The following ST3GAL1 variants were observed in gnomAD, a reference collection of about 807,000 sequenced individuals.
ST3GAL1 encodes the protein CMP-N-acetylneuraminate-beta-galactosamide-alpha-2,3-sialyltransferase 1.
Under a neutral mutation model 34.1 loss-of-function variants are expected in ST3GAL1, and 16 were observed. The ratio of observed to expected loss-of-function variants is 0.47; its 90% CI spans 0.32 to 0.71. The LOEUF is 0.71. Among genes scored for constraint, ST3GAL1 ranks in the 30% least tolerant of loss-of-function variants. ST3GAL1 has a pLI of 0.04. For missense variants in ST3GAL1, 353 were observed against 447.4 expected (o/e 0.79, Z 1.90); for synonymous variants, 191 against 184.7 (o/e 1.03, Z -0.28).
chr8:133,464,298 T>C (rs1815642334), intron 7 of ST3GAL1, among the ~76,000 whole-genome samples: 2 of 152,130 alleles, frequency 1.3e-5, no homozygotes, highest in Admixed American at 6.5e-5. Context: ...AGCTCCTGAT[T>C]GTCAGGGAAG....
chr8:133,545,488 G>A (rs970470178), intron 2 of ST3GAL1, among the ~76,000 whole-genome samples: 2 of 152,174 alleles, frequency 1.3e-5, no homozygotes, highest in African/African-American at 2.4e-5. Context: ...CTGAATCCAG[G>A]TTTTTACTTA....
intron 1 of ST3GAL1, among the ~76,000 whole-genome samples, chr8:133,550,940 G>A (rs934250904): frequency 3.3e-5 from 5 of 152,134 alleles, no homozygotes; most frequent in Admixed American, 3.3e-4. Flanking sequence ...TAGAAGTAAA[G>A]CTGGATACCA....
chr8:133,540,109 A>G (rs959290300), intron 2 of ST3GAL1, among the ~76,000 whole-genome samples: 7 of 152,074 alleles, frequency 4.6e-5, no homozygotes, highest in Non-Finnish European at 8.8e-5. Flanking sequence ...CACTCACGCC[A>G]CTTGGATCCA....
In ST3GAL1 at chr8:133,467,251, CCTATTGGCCCCCGGTGGTTTCA is replaced by C. The variant is rs1815776440; in HGVS notation, c.307-1183_307-1162del. Reference sequence around the variant, plus strand: ...GCTAAAACCAGGATGAGTTGGTATCCCTATTGGCCCCCGGTGGTTTCACTATTGGCCCCCGCTGCATGCCCAG... The same window carrying C: ...GCTAAAACCAGGATGAGTTGGTATCCCTATTGGCCCCCGCTGCATGCCCAG... On this transcript the variant is annotated intron_variant, in intron 5 of 9. Coordinates refer to ENST00000522652, the MANE Select transcript of ST3GAL1 (RefSeq NM_173344.3). This position sits in a 1 kb window ranked among gnomAD's most constrained non-coding sequence, Gnocchi z 4.2. 6.6e-6 allele frequency among the ~76,000 whole-genome samples: 1 copy of C among 152,144 alleles called. No homozygotes were observed. Among genetic ancestry groups the C allele is most frequent in the South Asian group, 2.1e-4 (1 of 4,830 alleles).
intron 2 of ST3GAL1, among the ~76,000 whole-genome samples, chr8:133,545,100 G>C (rs146642839): frequency 8.0e-4 from 122 of 152,328 alleles, no homozygotes; most frequent in Non-Finnish European, 1.3e-3. Context: ...TGTGACTGAG[G>C]CCTGAATTTT....
intron 2 of ST3GAL1, among the ~76,000 whole-genome samples, chr8:133,527,305 T>G (rs1818006151): frequency 6.6e-6 from 1 of 152,172 alleles, no homozygotes; most frequent in African/African-American, 2.4e-5. Flanking sequence ...CTGCCTCTAC[T>G]AATGCCATGT....
Position 133,466,418 on chromosome 8 carries a change from G to A in ST3GAL1, c.307-328C>T, listed in dbSNP as rs1024240738. ...GCCCCTCCCACTCCACATGTGATCA[G>A]CGTTTCTCCAACCTGCTCCTCCCTG... On this transcript the variant is annotated intron_variant, in intron 5 of 9. Transcript: ENST00000522652. This position sits in a 1 kb window ranked among gnomAD's most constrained non-coding sequence, Gnocchi z 4.4. Among the ~76,000 whole-genome samples, 5 of 152,168 alleles carry A rather than the reference G, an allele frequency of 3.3e-5. No homozygotes were observed. The highest frequency in any genetic ancestry group is 2.1e-4 in the South Asian group (1 of 4,830).
chr8:133,513,710 A>T (rs753790275), intron 2 of ST3GAL1, among the ~76,000 whole-genome samples: 12 of 152,264 alleles, frequency 7.9e-5, no homozygotes, highest in Non-Finnish European at 1.3e-4. Flanking sequence ...TCTAGCCAAC[A>T]TGGTGAAACC....
intron 2 of ST3GAL1, among the ~76,000 whole-genome samples, chr8:133,544,649 A>G (rs1818627222): frequency 1.3e-5 from 2 of 152,102 alleles, no homozygotes; most frequent in African/African-American, 4.8e-5. Context: ...CCCCTGACCT[A>G]CCTGTGACAC....
rs373536044 is a variant in ST3GAL1, at chr8:133,570,744, G to A, written c.-582+949C>T. Among the ~76,000 whole-genome samples the A allele has an allele frequency of 9.2e-5, 14 of 152,178 alleles. No individual in the cohort carries two copies. The highest frequency in any genetic ancestry group is 6.5e-5 in the Admixed American group (1 of 15,284). On this transcript the variant is annotated intron_variant, in intron 1 of 9. Coordinates refer to ENST00000522652, the MANE Select transcript of ST3GAL1 (RefSeq NM_173344.3). The surrounding 1 kb of genome is among the most constrained non-coding windows in gnomAD (Gnocchi z 5.6). Reference sequence around the variant, plus strand: ...AGGAGGAGCGGAAAGTTGCGCCACCGTCCCGATTCCAAACTAACTGTACCC... The same window carrying A: ...AGGAGGAGCGGAAAGTTGCGCCACCATCCCGATTCCAAACTAACTGTACCC...
intron 3 of ST3GAL1, among the ~76,000 whole-genome samples, chr8:133,496,613 A>C (rs1015843621): frequency 3.3e-5 from 5 of 152,166 alleles, no homozygotes; most frequent in Non-Finnish European, 7.3e-5. Context: ...AAGGTTGTAC[A>C]CTGGCTGAGG....
At position 133,533,178 on chromosome 8, in the gene ST3GAL1, G is replaced by T. The variant is rs143534448; in HGVS notation, c.-429+12596C>A. On this transcript the variant is annotated intron_variant, in intron 2 of 9. Coordinates refer to ENST00000522652, the MANE Select transcript of ST3GAL1 (RefSeq NM_173344.3). ...GCAGTCCAATGGCACTCTGAATTCCGTGGAGACCCATAGAATTCCAAACCT... is the reference window on the plus strand; with the variant it reads ...GCAGTCCAATGGCACTCTGAATTCCTTGGAGACCCATAGAATTCCAAACCT... 7.0e-3 allele frequency among the ~76,000 whole-genome samples: 1,072 copies of T among 152,220 alleles called. 16 individuals carry two copies. The highest frequency in any genetic ancestry group is 0.024 in the African/African-American group (1,002 of 41,522).
At chr8:133,560,704 G>A (rs34142388) in intron 1 of ST3GAL1, among the ~76,000 whole-genome samples, 1 of 152,190 alleles carries the variant, frequency 6.6e-6, no homozygotes, top group Admixed American at 6.5e-5. Flanking sequence ...TCCCCACTTA[G>A]CCAGGGATAT....
intron 1 of ST3GAL1, among the ~76,000 whole-genome samples, chr8:133,562,845 TCTTTC>T (rs1819282525): frequency 7.0e-5 from 6 of 86,222 alleles, no homozygotes; most frequent in African/African-American, 9.7e-5. Context: ...TTCCTTCCTT[TCTTTC>T]TTTTTTTTTT....
At chr8:133,483,116 C>T (rs893381611) in intron 3 of ST3GAL1, among the ~76,000 whole-genome samples, 16 of 152,104 alleles carry the variant, frequency 1.1e-4, no homozygotes, top group Non-Finnish European at 1.3e-4. Flanking sequence ...CTGGGGTGGG[C>T]GGATCACTCG....
At chr8:133,512,390 G>A (rs1458287493) in intron 2 of ST3GAL1, among the ~76,000 whole-genome samples, 2 of 152,188 alleles carry the variant, frequency 1.3e-5, no homozygotes, top group South Asian at 2.1e-4. Context: ...TCCTCTGCCT[G>A]CTTTTATCCT....
At chr8:133,496,130 G>A (rs987658123) in intron 3 of ST3GAL1, among the ~76,000 whole-genome samples, 1 of 152,226 alleles carries the variant, frequency 6.6e-6, no homozygotes, top group Non-Finnish European at 1.5e-5. Flanking sequence ...CAGCGCAGGA[G>A]TTTTTTGAGC....
At chr8:133,464,414 T>G (rs972081323) in intron 7 of ST3GAL1, among the ~76,000 whole-genome samples, 1 of 152,126 alleles carries the variant, frequency 6.6e-6, no homozygotes, top group African/African-American at 2.4e-5. Context: ...CACGCTCACA[T>G]AAGTTTGAAA....
intron 3 of ST3GAL1, among the ~76,000 whole-genome samples, chr8:133,480,341 C>T (rs1586601019): frequency 6.6e-6 from 1 of 152,242 alleles, no homozygotes; most frequent in Non-Finnish European, 1.5e-5. Context: ...GGGGCAATGA[C>T]CAGAGACTGA....
Sources: allele counts gnomAD v4.1 joint callset (sites outside exome capture counted in the v4.1 genomes callset), GRCh38; gene constraint gnomAD v4.1.1; non-coding constraint Gnocchi (gnomAD v3.1); transcripts MANE v1.5; gene names NCBI Gene and HGNC (gene_info 2026-07-23, HGNC 2026-07-21).